SLC24A2: variants seen among roughly 807,000 people sequenced by gnomAD.
SLC24A2 encodes solute carrier family 24 member 2, also known as sodium/potassium/calcium exchanger 2.
Under a neutral mutation model 62.0 loss-of-function variants are expected in SLC24A2, and 36 were observed. The ratio of observed to expected loss-of-function variants is 0.58; its 90% confidence interval spans 0.44 to 0.77. SLC24A2 has a LOEUF of 0.77. SLC24A2 is among the 30% of genes least tolerant of loss of function. SLC24A2 has a pLI of 0.00. For missense variants in SLC24A2, 846 were observed against 817.9 expected, an observed-to-expected ratio of 1.03 and a Z score of -0.42; for synonymous variants, 358 against 294.0, an observed-to-expected ratio of 1.22 and a Z score of -2.23.
At chr9:19,548,817 AG>A (rs1344957358) in intron 8 of SLC24A2, among the ~76,000 whole-genome samples, 10 of 152,246 alleles carry the variant, frequency 6.6e-5, no homozygotes, top group Non-Finnish European at 2.9e-5. Context: ...GCCAAGGGCC[AG>A]CCCTGGGATG....
the SLC24A2 span, among the ~76,000 whole-genome samples, chr9:19,802,320 T>C: frequency 6.6e-6 from 1 of 152,242 alleles, no homozygotes; most frequent in Non-Finnish European, 1.5e-5. Context: ...TGGTTTTTAT[T>C]TGTCTTTCAT....
At chr9:20,000,271 C>G in the SLC24A2 span, among the ~76,000 whole-genome samples, 1 of 152,142 alleles carries the variant, frequency 6.6e-6, no homozygotes, top group African/African-American at 2.4e-5. Flanking sequence ...GGACTTTGCT[C>G]ATAACAGTTC....
chr9:20,275,226 G>C, the SLC24A2 span, among the ~76,000 whole-genome samples: 1 of 152,154 alleles, frequency 6.6e-6, no homozygotes, highest in Non-Finnish European at 1.5e-5. Flanking sequence ...AGTGAGGAGA[G>C]AGAAGACCTG....
At chr9:20,135,502 T>A in the SLC24A2 span, among the ~76,000 whole-genome samples, 1 of 152,072 alleles carries the variant, frequency 6.6e-6, no homozygotes, top group Non-Finnish European at 1.5e-5. Context: ...AGAGAGCACT[T>A]AGCTATCTGC....
At chr9:19,967,700 A>G in the SLC24A2 span, 1 of 152,202 alleles carries the variant, frequency 6.6e-6, no homozygotes, top group Non-Finnish European at 1.5e-5. Context: ...TCTGAATGCA[A>G]TCTTCATTAA....
At chr9:20,165,944 G>T in the SLC24A2 span, among the ~76,000 whole-genome samples, 8 of 151,812 alleles carry the variant, frequency 5.3e-5, no homozygotes, top group East Asian at 1.6e-3. Context: ...GGGCAAGGGG[G>T]ATGGAAACAT....
Position 19,548,910 on chromosome 9 carries a change from C to G in SLC24A2, c.1479+1227G>C, listed in dbSNP as rs112587271. ...GGAACATTTAGTGCAGAATCTGATG[C>G]ATATTAGGTATACAGTTTTGTTGAA... On this transcript the variant is annotated intron_variant, in intron 8 of 10. Coordinates refer to ENST00000341998, the MANE Select transcript of SLC24A2 (RefSeq NM_020344.4). Among the ~76,000 whole-genome samples, 246 of 152,276 alleles carry G rather than the reference C, an allele frequency of 1.6e-3. 1 individual carries two copies. Among genetic ancestry groups the G allele is most frequent in the African/African-American group, 5.4e-3 (224 of 41,550 alleles).
At chr9:19,664,050 G>C (rs1429300241) in intron 2 of SLC24A2, among the ~76,000 whole-genome samples, 1 of 152,230 alleles carries the variant, frequency 6.6e-6, no homozygotes, top group East Asian at 1.9e-4. Context: ...ACCGTGTAGG[G>C]AACATGGATG....
At chr9:19,954,350 C>G in the SLC24A2 span, among the ~76,000 whole-genome samples, 2 of 151,786 alleles carry the variant, frequency 1.3e-5, no homozygotes, top group Admixed American at 1.3e-4. Flanking sequence ...GCAACTCAAA[C>G]ACTAATGCTG....
At chr9:20,274,996 G>A in the SLC24A2 span, among the ~76,000 whole-genome samples, 3 of 152,088 alleles carry the variant, frequency 2.0e-5, no homozygotes, top group South Asian at 2.1e-4. Flanking sequence ...GACCCTAGAT[G>A]ACAGGATTAG....
At chr9:20,192,790 T>C in the SLC24A2 span, among the ~76,000 whole-genome samples, 1 of 152,172 alleles carries the variant, frequency 6.6e-6, no homozygotes, top group African/African-American at 2.4e-5. Flanking sequence ...AATTCCAACA[T>C]GCAGCCAAGG....
At chr9:20,205,054 A>T in the SLC24A2 span, among the ~76,000 whole-genome samples, 13 of 151,990 alleles carry the variant, frequency 8.6e-5, no homozygotes, top group African/African-American at 2.9e-4. Flanking sequence ...CAAAAGTATA[A>T]TTTTTTTTAA....
At chr9:20,113,047 C>A in the SLC24A2 span, among the ~76,000 whole-genome samples, 5 of 152,054 alleles carry the variant, frequency 3.3e-5, no homozygotes, top group African/African-American at 1.2e-4. Flanking sequence ...ACATGCCTGG[C>A]AGCCACCCTA....
chr9:20,142,753 G>A, the SLC24A2 span, among the ~76,000 whole-genome samples: 6 of 152,114 alleles, frequency 3.9e-5, no homozygotes, highest in Admixed American at 6.5e-5. Flanking sequence ...CTGCCACCAC[G>A]CCCAGCTAAT....
intron 2 of SLC24A2, among the ~76,000 whole-genome samples, chr9:19,629,138 T>C (rs1022309015): frequency 7.9e-5 from 12 of 151,802 alleles, no homozygotes; most frequent in African/African-American, 2.4e-4. Flanking sequence ...GCTGATGGAG[T>C]TGGACAATTT....
chr9:19,975,482 C>T, the SLC24A2 span, among the ~76,000 whole-genome samples: 3 of 152,148 alleles, frequency 2.0e-5, no homozygotes, highest in Middle Eastern at 3.2e-3. Flanking sequence ...TGAGTTGTGG[C>T]TACATTGCCT....
chr9:20,259,214 T>G, the SLC24A2 span, among the ~76,000 whole-genome samples: 1 of 152,200 alleles, frequency 6.6e-6, no homozygotes, highest in African/African-American at 2.4e-5. Flanking sequence ...GATACCTTGA[T>G]TTTAGCCCAG....
At chr9:19,809,547 A>T in the SLC24A2 span, among the ~76,000 whole-genome samples, 1 of 152,026 alleles carries the variant, frequency 6.6e-6, no homozygotes, top group Non-Finnish European at 1.5e-5. Context: ...CAGCCTATAA[A>T]ATCGAGCTGC....
the SLC24A2 span, among the ~76,000 whole-genome samples, chr9:19,915,259 G>A: frequency 1.3e-5 from 2 of 152,084 alleles, no homozygotes; most frequent in African/African-American, 4.8e-5. Flanking sequence ...GCATGTATCA[G>A]CGCTTCGTTC....
Sources: gnomAD v4.1 joint callset for allele counts (sites outside exome capture counted in the v4.1 genomes callset) on GRCh38, gnomAD v4.1.1 for gene constraint, MANE v1.5 for transcripts, NCBI Gene and HGNC (gene_info 2026-07-23, HGNC 2026-07-21) for gene names.